TULP4: variants seen among roughly 807,000 people sequenced by gnomAD.
TULP4 encodes the protein TUB like protein 4.
A neutral mutation model predicts 129.0 loss-of-function variants in TULP4; 16 were observed. The observed-to-expected ratio is 0.12, with a 90% CI of 0.08 to 0.19. TULP4 has a LOEUF of 0.19. Among genes scored for constraint, TULP4 ranks in the 10% least tolerant of loss-of-function variants. TULP4 has a pLI of 1.00. For missense variants in TULP4, 1,842 were observed against 2,059.1 expected (o/e 0.89, Z 2.04); for synonymous variants, 998 against 854.0 (o/e 1.17, Z -2.94).
intron 1 of TULP4, among the ~76,000 whole-genome samples, chr6:158,338,603 C>T (rs748196683): frequency 2.6e-5 from 4 of 152,190 alleles, no homozygotes; most frequent in Non-Finnish European, 5.9e-5. Context: ...TTTCCGCATA[C>T]TAGAGGCTGG....
intron 1 of TULP4, among the ~76,000 whole-genome samples, chr6:158,405,645 C>G (rs146958179): frequency 5.9e-5 from 9 of 152,098 alleles, no homozygotes; most frequent in African/African-American, 1.9e-4. Flanking sequence ...TCCAGAGCCA[C>G]GAGCCCTGGA....
At chr6:158,409,556 A>G (rs1778046918) in intron 1 of TULP4, among the ~76,000 whole-genome samples, 1 of 152,178 alleles carries the variant, frequency 6.6e-6, no homozygotes, top group African/African-American at 2.4e-5. Flanking sequence ...GCTGGCCCCC[A>G]GCTGGTAATT....
At chr6:158,291,259 G>A (rs1778935438) in intron 1 of TULP4, among the ~76,000 whole-genome samples, 1 of 152,146 alleles carries the variant, frequency 6.6e-6, no homozygotes, top group Non-Finnish European at 1.5e-5. Context: ...TTAAATTTCA[G>A]CTGTTATTCT....
intron 9 of TULP4, among the ~76,000 whole-genome samples, chr6:158,492,318 C>A (rs1012009889): frequency 1.3e-5 from 2 of 152,308 alleles, no homozygotes; most frequent in Middle Eastern, 3.4e-3. Flanking sequence ...TCTCTTCCAG[C>A]AGCTTTCTAG....
At chr6:158,416,713 A>G (rs888772420) in intron 2 of TULP4, among the ~76,000 whole-genome samples, 1 of 152,220 alleles carries the variant, frequency 6.6e-6, no homozygotes, top group East Asian at 1.9e-4. Flanking sequence ...TACAGTAGCT[A>G]CAAGGTAATG....
At chr6:158,262,459 C>T (rs948429374) in intron 1 of TULP4, among the ~76,000 whole-genome samples, 49 of 152,098 alleles carry the variant, frequency 3.2e-4, no homozygotes, top group Admixed American at 6.6e-5. Flanking sequence ...TATTCTTCAC[C>T]CAGGCCAATG....
rs34480077 is a variant in TULP4 at position 158,337,128 on chromosome 6, CTTTTT to C, written c.252+22878_252+22882del. Reference sequence around the variant, plus strand: ...TTTTTCTCTCTCTCTCTTTCTTTCTCTTTTTTTTTTTTTTTTTTTTTTGAGACAGA... The same window carrying C: ...TTTTTCTCTCTCTCTCTTTCTTTCTCTTTTTTTTTTTTTTTTTGAGACAGA... On this transcript the variant is annotated intron_variant, in intron 1 of 13. Transcript: ENST00000367097. Among the ~76,000 whole-genome samples, 242 of 73,846 alleles carry C rather than the reference CTTTTT, an allele frequency of 3.3e-3. 2 individuals are homozygous for C. The highest frequency in any genetic ancestry group is 4.6e-3 in the Non-Finnish European group (204 of 44,168). The allele number at this position is 73,846 out of a possible 152,430, so 48.4% of individuals were successfully genotyped here.
chr6:158,473,713 G>A (rs1327729897), intron 6 of TULP4, among the ~76,000 whole-genome samples: 1 of 152,044 alleles, frequency 6.6e-6, no homozygotes, highest in African/African-American at 2.4e-5. Context: ...TAGAGACAGC[G>A]TTTCACCATG....
chr6:158,421,061 A>T (rs559501549), intron 2 of TULP4, among the ~76,000 whole-genome samples: 1 of 152,006 alleles, frequency 6.6e-6, no homozygotes, highest in Non-Finnish European at 1.5e-5. Context: ...AATCAAATAC[A>T]TTTAAGAAAT....
At chr6:158,453,607 C>T (rs910794552) in intron 5 of TULP4, among the ~76,000 whole-genome samples, 2 of 150,588 alleles carry the variant, frequency 1.3e-5, no homozygotes, top group Non-Finnish European at 1.5e-5. Flanking sequence ...TGGCCAACAT[C>T]GTGAAACCTC....
intron 1 of TULP4, among the ~76,000 whole-genome samples, chr6:158,275,253 G>C (rs930983379): frequency 6.6e-6 from 1 of 152,114 alleles, no homozygotes; most frequent in African/African-American, 2.4e-5. Flanking sequence ...TCTTAGTCCT[G>C]CCCATCTTCT....
chr6:158,354,394 C>A (rs1050163182), intron 1 of TULP4, among the ~76,000 whole-genome samples: 1 of 152,132 alleles, frequency 6.6e-6, no homozygotes, highest in Non-Finnish European at 1.5e-5. Flanking sequence ...TACATTCTGT[C>A]GTACTCACAG....
chr6:158,269,954 C>T (rs905020786), intron 1 of TULP4, among the ~76,000 whole-genome samples: 2 of 152,104 alleles, frequency 1.3e-5, no homozygotes, highest in African/African-American at 4.8e-5. Flanking sequence ...GTTCCTTAAG[C>T]CCATTTTATT....
chr6:158,369,922 T>G (rs186679910), intron 1 of TULP4, among the ~76,000 whole-genome samples: 29 of 152,266 alleles, frequency 1.9e-4, no homozygotes, highest in African/African-American at 6.3e-4. Flanking sequence ...TTGCAGTGGC[T>G]CAAGCCTATA....
intron 1 of TULP4, chr6:158,237,398 C>G: frequency 6.2e-7 from 1 of 1,611,216 alleles, no homozygotes; most frequent in South Asian, 1.1e-5. Flanking sequence ...GTTGCTGGAG[C>G]CCCTGCAGGT....
intron 1 of TULP4, among the ~76,000 whole-genome samples, chr6:158,340,957 TTTTG>T (rs1405606370): frequency 1.3e-5 from 2 of 152,158 alleles, no homozygotes; most frequent in Non-Finnish European, 2.9e-5. Context: ...GTGTGTGTTT[TTTTG>T]TTTGTTTGTT....
At chr6:158,339,752 C>G (rs918651688) in intron 1 of TULP4, among the ~76,000 whole-genome samples, 5 of 152,146 alleles carry the variant, frequency 3.3e-5, no homozygotes, top group Admixed American at 1.3e-4. Context: ...TCACTGTTAT[C>G]CTGTTCTTAA....
rs1167321912 is a variant in TULP4, at chr6:158,254,202, G to GCTCA, written n.68+21900_68+21901insTCAC. Among the ~76,000 whole-genome samples, 113 of 152,234 alleles carry GCTCA rather than the reference G, an allele frequency of 7.4e-4. 1 individual carries two copies. The South Asian group carries it at 0.023, about 30-fold the overall frequency. Reference sequence around the variant, plus strand: ...CTGTGGCCCAGGCTGGAGTGCAATGGCATGATCTCGGCTCACTGCAGCCTC... The same window carrying GCTCA: ...CTGTGGCCCAGGCTGGAGTGCAATGGCTCACATGATCTCGGCTCACTGCAGCCTC... On this transcript the variant is annotated intron_variant and non_coding_transcript_variant, in intron 1 of 1. Coordinates refer to the TULP4 transcript ENST00000620026.
chr6:158,300,245 G>A (rs192875782), intron 1 of TULP4, among the ~76,000 whole-genome samples: 6 of 152,284 alleles, frequency 3.9e-5, no homozygotes, highest in Non-Finnish European at 7.4e-5. Flanking sequence ...TCTTCCCCAC[G>A]TTGTAATTGT....
Sources: allele counts gnomAD v4.1 joint callset (sites outside exome capture counted in the v4.1 genomes callset), GRCh38; gene constraint gnomAD v4.1.1; transcripts MANE v1.5; gene names NCBI Gene and HGNC (gene_info 2026-07-23, HGNC 2026-07-21).